Variants in PPP1R9B observed in about 807,000 individuals in gnomAD.
PPP1R9B encodes neurabin-2.
In PPP1R9B, 17 loss-of-function variants were observed where a neutral mutation model predicts 75.8. The observed-to-expected ratio is 0.22, with a 90% confidence interval of 0.15 to 0.34. PPP1R9B has a LOEUF of 0.34. PPP1R9B is among the 10% of genes least tolerant of loss of function. The pLI is 1.00. For missense variants in PPP1R9B, 875 were observed against 1,196.0 expected (o/e 0.73, Z 3.96); for synonymous variants, 509 against 535.4 (o/e 0.95, Z 0.68).
intron 7 of PPP1R9B, among the ~76,000 whole-genome samples, chr17:50,137,679 C>T (rs1253180279): frequency 2.6e-5 from 4 of 152,142 alleles, no homozygotes; most frequent in Admixed American, 6.5e-5. Context: ...AGTGGCTTTC[C>T]GAAAAATCCC....
chr17:50,143,707 G>A lies in PPP1R9B; in HGVS notation c.1516C>T (p.Leu506=). ...CCCATGCCGATGATGCTGATGCCCA[G>A]GCCCTCGGAGTCTGTGGAACAGAGA... is the stretch of plus-strand genomic sequence containing the variant. ...PVELEKDSEG[L]GISIIGMGAG... Residue 506 remains leucine (L), a synonymous_variant, in exon 3 of 10, where the codon CTG becomes TTG. Transcript: ENST00000612501. The A allele has an allele frequency of 6.2e-7, 1 of 1,613,884 alleles. No homozygotes were observed. Among genetic ancestry groups the A allele is most frequent in the Non-Finnish European group, 8.5e-7 (1 of 1,179,878 alleles).
Position 50,135,047 on chromosome 17 carries a change from C to G in PPP1R9B, c.*284G>C. 4.0e-6 allele frequency: 2 copies of G among 505,242 alleles called. No homozygotes were observed. The highest frequency in any genetic ancestry group is 3.6e-6 in the Non-Finnish European group (1 of 277,986). 31.3% of individuals were successfully genotyped at this position (505,242 alleles called of 1,614,324 possible). ...TTGATCTGCAGGTGCTTGTGTCCGT[C>G]GACCACCAGGCCAGCCCTCGGCAGC... is the stretch of plus-strand genomic sequence containing the variant. On this transcript the variant is annotated 3_prime_UTR_variant, in exon 10 of 10. Transcript: ENST00000612501.
intron 7 of PPP1R9B, among the ~76,000 whole-genome samples, chr17:50,136,408 CCT>C (rs1912232848): frequency 6.6e-6 from 1 of 152,264 alleles, no homozygotes; most frequent in African/African-American, 2.4e-5. Context: ...CACCAGACTC[CCT>C]GTCACTGCAC....
Position 50,149,558 on chromosome 17 carries a change from A to T in PPP1R9B, c.956T>A (p.Ile319Asn). The change falls in exon 1 of 10, where the codon ATC becomes AAC. Residue 319 changes from isoleucine (I) to asparagine (N), a missense_variant. Coordinates refer to ENST00000612501, the MANE Select transcript of PPP1R9B (RefSeq NM_032595.5). This position sits in a 1 kb window ranked among gnomAD's most constrained non-coding sequence, Gnocchi z 7.2. ...CGCGTGGACCGTAACCTCGGCCTGG[A>T]TCACCTCCCCGGGCGCCGACTCGGC... ...SEAESAPGEV[I>N]QAEVTVHAAL... The T allele has an allele frequency of 6.3e-7, 1 of 1,586,528 alleles. No homozygotes were observed. Among genetic ancestry groups the T allele is most frequent in the Non-Finnish European group, 8.5e-7 (1 of 1,169,836 alleles).
intron 2 of PPP1R9B, among the ~76,000 whole-genome samples, chr17:50,144,769 A>G (rs12451282): frequency 0.18 from 26,611 of 151,978 alleles, 2,496 homozygotes; most frequent in Middle Eastern, 0.32. Context: ...TGTGCCTTCC[A>G]TGTCTGCCTC....
Position 50,150,153 on chromosome 17 carries a change from C to G in PPP1R9B, c.361G>C (p.Val121Leu). 1.4e-6 allele frequency: 2 copies of G among 1,445,382 alleles called. No individual in the cohort carries two copies. The highest frequency in any genetic ancestry group is 1.8e-6 in the Non-Finnish European group (2 of 1,102,258). The allele number at this position is 1,445,382 out of a possible 1,614,324, so 89.5% of individuals were successfully genotyped here. ...GCGGGCTTGGAGTCGAAGCGGCTCA[C>G]GCGCTCCGACACGCTGGTGCCCAGC... is the stretch of plus-strand genomic sequence containing the variant. ...LKLGTSVSER[V>L]SRFDSKPAPS... The change falls in exon 1 of 10, where the codon GTG becomes CTG. Residue 121 changes from valine to leucine, a missense_variant. Val to Leu is a conservative substitution (Grantham distance 32, BLOSUM62 1). Coordinates refer to ENST00000612501, the MANE Select transcript of PPP1R9B (RefSeq NM_032595.5). The surrounding 1 kb of genome is among the most constrained non-coding windows in gnomAD (Gnocchi z 8.7).
At chr17:50,135,771 C>G in intron 8 of PPP1R9B, 122 bp from the exon 9 acceptor site, 1 of 972,904 alleles carries the variant, frequency 1.0e-6, no homozygotes. Context: ...GGTCAGGAGG[C>G]CCCAGGTTTT....
Position 50,149,408 on chromosome 17 carries a change from C to T in PPP1R9B, c.1106G>A (p.Gly369Asp), listed in dbSNP as rs760440509. 1 of 1,612,006 alleles carries T rather than the reference C, an allele frequency of 6.2e-7. No individual in the cohort carries two copies. Among genetic ancestry groups the T allele is most frequent in the South Asian group, 1.1e-5 (1 of 90,964 alleles). The change falls in exon 1 of 10, where the codon GGC becomes GAC. Residue 369 changes from glycine to aspartate, a missense_variant. By Grantham distance (94) the Gly-to-Asp change is moderately conservative. Around this residue, in one of 4 missense-constraint regions of PPP1R9B, gnomAD observed 449 missense variants for 475.0 expected, o/e 0.95. Transcript: ENST00000612501. This position sits in a 1 kb window ranked among gnomAD's most constrained non-coding sequence, Gnocchi z 7.2. ...VAPPERGVGNGRAPDVAPEEV... is the reference protein window; with the variant it reads ...VAPPERGVGNDRAPDVAPEEV... ...CTCAGGGGCCACGTCCGGGGCCCGGCCATTGCCCACCCCCCTCTCTGGCGG... is the reference window on the plus strand; with the variant it reads ...CTCAGGGGCCACGTCCGGGGCCCGGTCATTGCCCACCCCCCTCTCTGGCGG...
At chr17:50,136,464 T>A (rs531022194) in intron 7 of PPP1R9B, among the ~76,000 whole-genome samples, 1 of 152,278 alleles carries the variant, frequency 6.6e-6, no homozygotes, top group Admixed American at 6.5e-5. Context: ...TCACTGATAC[T>A]CTGACTTGGC....
At chr17:50,141,060 C>T (rs948801677) in intron 4 of PPP1R9B, among the ~76,000 whole-genome samples, 2 of 152,144 alleles carry the variant, frequency 1.3e-5, no homozygotes, top group Non-Finnish European at 2.9e-5. Flanking sequence ...AGGCTGAGTA[C>T]TGGTGGCCAG....
At position 50,149,470 on chromosome 17, in the gene PPP1R9B, G is replaced by C; in HGVS notation, c.1044C>G (p.Ala348=). 6.2e-7 allele frequency: 1 copy of C among 1,604,426 alleles called. No individual in the cohort carries two copies. Among genetic ancestry groups the C allele is most frequent in the Non-Finnish European group, 8.5e-7 (1 of 1,176,304 alleles). Residue 348 remains alanine (A), a synonymous_variant, in exon 1 of 10, where the codon GCC becomes GCG. Transcript: ENST00000612501. The surrounding 1 kb of genome is among the most constrained non-coding windows in gnomAD (Gnocchi z 7.2). ...AASPAPEEPK[A]QAAPEKEAAA... is the part of the protein sequence containing the mutation. ...CCGCCTCCTTCTCCGGGGCCGCTTGGGCCTTTGGCTCCTCGGGCGCGGGGC... is the reference window on the plus strand; with the variant it reads ...CCGCCTCCTTCTCCGGGGCCGCTTGCGCCTTTGGCTCCTCGGGCGCGGGGC...
At chr17:50,146,832 G>T (rs1227482450) in intron 1 of PPP1R9B, among the ~76,000 whole-genome samples, 1 of 152,226 alleles carries the variant, frequency 6.6e-6, no homozygotes, top group East Asian at 1.9e-4. Context: ...AGCTGGGACA[G>T]GTGGGTGGGT....
chr17:50,135,069 C>A lies in PPP1R9B; in HGVS notation c.*262G>T. 1 of 543,436 alleles carries A rather than the reference C, an allele frequency of 1.8e-6. No individual in the cohort carries two copies. Among genetic ancestry groups the A allele is most frequent in the Non-Finnish European group, 3.3e-6 (1 of 301,474 alleles). 33.7% of individuals were successfully genotyped at this position (543,436 alleles called of 1,614,324 possible). The stretch of plus-strand genomic sequence containing the variant: ...CGTCGACCACCAGGCCAGCCCTCGG[C>A]AGCCCTCGGCCTCTGTGCCTCAGCC... On this transcript the variant is annotated 3_prime_UTR_variant, in exon 10 of 10. Transcript: ENST00000612501.
Position 50,149,099 on chromosome 17 carries a change from C to G in PPP1R9B, c.1371+44G>C, listed in dbSNP as rs1292517995. ...TGGCGAGCGGGGGCGGCCGCGTGCACGTGGCAGGGGCGGCGCGGGGGCAGG... is the reference window on the plus strand; with the variant it reads ...TGGCGAGCGGGGGCGGCCGCGTGCAGGTGGCAGGGGCGGCGCGGGGGCAGG... On this transcript the variant is annotated intron_variant, in intron 1 of 9. Transcript: ENST00000612501. This position sits in a 1 kb window ranked among gnomAD's most constrained non-coding sequence, Gnocchi z 7.2. 7.8e-7 allele frequency: 1 copy of G among 1,284,254 alleles called. No homozygotes were observed. Among genetic ancestry groups the G allele is most frequent in the African/African-American group, 1.7e-5 (1 of 58,874 alleles). 79.6% of individuals were successfully genotyped at this position (1,284,254 alleles called of 1,614,324 possible).
chr17:50,149,478 G>T lies in PPP1R9B; in HGVS notation c.1036C>A (p.Pro346Thr). The T allele has an allele frequency of 6.2e-7, 1 of 1,601,708 alleles. No homozygotes were observed. Among genetic ancestry groups the T allele is most frequent in the Non-Finnish European group, 8.5e-7 (1 of 1,175,086 alleles). Residue 346 changes from proline (P) to threonine (T), a missense_variant, in exon 1 of 10, where the codon CCA becomes ACA. Transcript: ENST00000612501. The surrounding 1 kb of genome is among the most constrained non-coding windows in gnomAD (Gnocchi z 7.2). ...TTCTCCGGGGCCGCTTGGGCCTTTG[G>T]CTCCTCGGGCGCGGGGCTGGCTGCA... Reference protein sequence around the residue: ...ATAASPAPEEPKAQAAPEKEA... With the variant: ...ATAASPAPEETKAQAAPEKEA...
At chr17:50,143,778 A>G (rs1598248120) in intron 2 of PPP1R9B, 60 bp from the exon 3 acceptor site, 3 of 1,601,734 alleles carry the variant, frequency 1.9e-6, no homozygotes, top group Non-Finnish European at 2.6e-6. Flanking sequence ...GAGACTCTCC[A>G]CCCCGAATTC....
At chr17:50,148,515 G>C (rs1912580431) in intron 1 of PPP1R9B, among the ~76,000 whole-genome samples, 1 of 152,202 alleles carries the variant, frequency 6.6e-6, no homozygotes, top group South Asian at 2.1e-4. Flanking sequence ...GACCCCCAGG[G>C]AACACGGCGC....
In PPP1R9B at chr17:50,135,245, A is replaced by T. The variant is rs2144437686; in HGVS notation, c.*86T>A. ...GTCGGGGCACCTGTCCCCAGGCTGGAAGGGGGAGGGGTGGGGTGTTGAGGA... is the reference window on the plus strand; with the variant it reads ...GTCGGGGCACCTGTCCCCAGGCTGGTAGGGGGAGGGGTGGGGTGTTGAGGA... On this transcript the variant is annotated 3_prime_UTR_variant, in exon 10 of 10. Coordinates refer to ENST00000612501, the MANE Select transcript of PPP1R9B (RefSeq NM_032595.5). The T allele has an allele frequency of 9.0e-7, 1 of 1,108,528 alleles. No homozygotes were observed. Among genetic ancestry groups the T allele is most frequent in the Non-Finnish European group, 1.3e-6 (1 of 745,304 alleles). 68.7% of individuals were successfully genotyped at this position (1,108,528 alleles called of 1,614,324 possible).
At chr17:50,136,751 C>A (rs1912242788) in intron 7 of PPP1R9B, among the ~76,000 whole-genome samples, 1 of 151,624 alleles carries the variant, frequency 6.6e-6, no homozygotes, top group Non-Finnish European at 1.5e-5. Context: ...ATCCTCTGTT[C>A]TCTCTATACT....
Sources: gnomAD v4.1 joint callset for allele counts (sites outside exome capture counted in the v4.1 genomes callset) on GRCh38, gnomAD v4.1.1 for gene constraint, gnomAD v4.1.1 regional missense constraint, Gnocchi (gnomAD v3.1) non-coding constraint, MANE v1.5 for transcripts, NCBI Gene and HGNC (gene_info 2026-07-23, HGNC 2026-07-21) for gene names.